Variants in PPA2 observed in about 807,000 individuals in gnomAD.
The protein encoded by PPA2 is inorganic pyrophosphatase 2.
Under a neutral mutation model 49.5 loss-of-function variants are expected in PPA2, and 48 were observed. The observed-to-expected ratio is 0.97, with a 90% confidence interval of 0.77 to 1.23. The LOEUF is 1.23. Among genes scored for constraint, PPA2 ranks in the 50% most tolerant of loss-of-function variants. The pLI, the probability that PPA2 is intolerant of heterozygous loss-of-function variation, is 0.00. For missense variants in PPA2, 429 were observed against 410.1 expected, an observed-to-expected ratio of 1.05 and a Z score of -0.40; for synonymous variants, 131 against 139.9, an observed-to-expected ratio of 0.94 and a Z score of 0.45.
chr4:105,396,080 G>T (rs922870832), intron 9 of PPA2, among the ~76,000 whole-genome samples, 169 bp downstream of exon 9: 1 of 151,816 alleles, frequency 6.6e-6, no homozygotes, highest in Non-Finnish European at 1.5e-5. Context: ...AAAAGATCAC[G>T]TCAATTCCTA....
chr4:105,424,910 C>T (rs1320546402), intron 6 of PPA2, among the ~76,000 whole-genome samples: 1 of 152,096 alleles, frequency 6.6e-6, no homozygotes, highest in Non-Finnish European at 1.5e-5. Flanking sequence ...CTTTATAAGT[C>T]AAGGCAAAGA....
At chr4:105,398,382 A>AT (rs1488063120) in intron 8 of PPA2, 2 of 152,164 alleles carry the variant, frequency 1.3e-5, no homozygotes, top group African/African-American at 4.8e-5. Flanking sequence ...CCCATTATAA[A>AT]TTTTAAGTTT....
intron 10 of PPA2, among the ~76,000 whole-genome samples, chr4:105,376,866 G>T (rs1458071875): frequency 6.6e-6 from 1 of 152,094 alleles, no homozygotes; most frequent in Non-Finnish European, 1.5e-5. Flanking sequence ...CATAAAGTTC[G>T]ATCATTTTTC....
intron 5 of PPA2, among the ~76,000 whole-genome samples, chr4:105,443,619 A>ACG: frequency 6.8e-6 from 1 of 147,084 alleles, no homozygotes; most frequent in East Asian, 2.5e-4. Flanking sequence ...ACACACACAC[A>ACG]CACACACACA....
At chr4:105,455,813 CT>C (rs1401542968) in intron 2 of PPA2, among the ~76,000 whole-genome samples, 1 of 152,176 alleles carries the variant, frequency 6.6e-6, no homozygotes, top group African/African-American at 2.4e-5. Context: ...GCCTCTGCCC[CT>C]ATATTGATCA....
chr4:105,470,155 T>C (rs1047769578), intron 1 of PPA2, among the ~76,000 whole-genome samples: 4 of 152,188 alleles, frequency 2.6e-5, no homozygotes, highest in Admixed American at 1.3e-4. Flanking sequence ...GAGAACAGTA[T>C]GAAATCTAAA....
At chr4:105,400,227 T>C (rs1734306795) in intron 7 of PPA2, among the ~76,000 whole-genome samples, 2 of 152,092 alleles carry the variant, frequency 1.3e-5, no homozygotes, top group African/African-American at 4.8e-5. Flanking sequence ...AACAGGGATG[T>C]TTTGCAAAAA....
intron 9 of PPA2, among the ~76,000 whole-genome samples, chr4:105,389,814 G>A (rs955641046): frequency 1.3e-5 from 2 of 152,108 alleles, no homozygotes; most frequent in African/African-American, 4.8e-5. Flanking sequence ...CAAGAAAAAG[G>A]CAAAGAGAAA....
intron 6 of PPA2, among the ~76,000 whole-genome samples, chr4:105,425,737 C>CAT (rs1723472594): frequency 6.6e-6 from 1 of 151,184 alleles, no homozygotes; most frequent in Non-Finnish European, 1.5e-5. Flanking sequence ...CACACACACA[C>CAT]ACACACACAC....
In PPA2 at chr4:105,446,478, G is replaced by A. The variant is rs373735128; in HGVS notation, c.346C>T (p.Pro116Ser). The change falls in exon 5 of 12, where the codon CCC becomes TCC. Residue 116 changes from proline (P) to serine (S), a missense_variant. By Grantham distance (74) the Pro-to-Ser change is moderately conservative. Coordinates refer to ENST00000341695, the MANE Select transcript of PPA2 (RefSeq NM_176869.3). ...CCATCCTTTACATATTGTTTAATGG[G>A]ATTCATTGGCTCCTTGGTGGCAATC... The part of the protein sequence containing the change: ...MEIATKEPMN[P>S]IKQYVKDGKL... 67 of 1,603,284 alleles carry A rather than the reference G, an allele frequency of 4.2e-5. No homozygotes were observed. The highest frequency in any genetic ancestry group is 4.8e-5 in the Non-Finnish European group (57 of 1,176,418).
At chr4:105,410,520 C>A (rs1392054599) in intron 7 of PPA2, among the ~76,000 whole-genome samples, 1 of 152,180 alleles carries the variant, frequency 6.6e-6, no homozygotes, top group Non-Finnish European at 1.5e-5. Context: ...ACTTCCCCAA[C>A]CTAGCAAGGC....
At position 105,411,625 on chromosome 4, in the gene PPA2, G is replaced by A. The variant is rs539287925; in HGVS notation, c.656-12461C>T. Among the ~76,000 whole-genome samples, 123 of 152,194 alleles carry A rather than the reference G, an allele frequency of 8.1e-4. 1 individual carries two copies. The highest frequency in any genetic ancestry group is 1.7e-3 in the Non-Finnish European group (117 of 67,990). On this transcript the variant is annotated intron_variant, in intron 7 of 11. Transcript: ENST00000341695. ...GAACAGAATGAAATAAAGGGTATTCGATAAGGAAAAGAGGAAGTCAAATTG... is the reference window on the plus strand; with the variant it reads ...GAACAGAATGAAATAAAGGGTATTCAATAAGGAAAAGAGGAAGTCAAATTG...
chr4:105,422,776 T>C (rs1055843674), intron 7 of PPA2, among the ~76,000 whole-genome samples: 1 of 152,236 alleles, frequency 6.6e-6, no homozygotes, highest in African/African-American at 2.4e-5. Flanking sequence ...GCGCTTGTTA[T>C]ATGCTAGAGA....
chr4:105,382,236 G>A (rs1404534352), intron 10 of PPA2, among the ~76,000 whole-genome samples: 1 of 151,628 alleles, frequency 6.6e-6, no homozygotes, highest in African/African-American at 2.4e-5. Context: ...TGATTATATT[G>A]TAGACAGAGA....
At chr4:105,426,349 C>T (rs1723508225) in intron 6 of PPA2, among the ~76,000 whole-genome samples, 1 of 152,118 alleles carries the variant, frequency 6.6e-6, no homozygotes, top group Non-Finnish European at 1.5e-5. Flanking sequence ...TGGGTGCAGC[C>T]CTCGGAGAGC....
intron 7 of PPA2, among the ~76,000 whole-genome samples, chr4:105,417,212 C>T (rs1056254413): frequency 1.3e-5 from 2 of 152,174 alleles, no homozygotes; most frequent in Non-Finnish European, 2.9e-5. Flanking sequence ...TACCCTAAAG[C>T]ACTTAAAAAC....
At chr4:105,382,411 C>T (rs1427917813) in intron 10 of PPA2, among the ~76,000 whole-genome samples, 3 of 152,112 alleles carry the variant, frequency 2.0e-5, no homozygotes, top group Admixed American at 1.3e-4. Context: ...TCAACATTCT[C>T]AAAATAATAT....
Position 105,450,534 on chromosome 4 carries a change from G to A in PPA2, c.268-1131C>T, listed in dbSNP as rs141272916. Among the ~76,000 whole-genome samples the A allele has an allele frequency of 5.2e-3, 738 of 142,314 alleles. 10 individuals carry two copies. Among genetic ancestry groups the A allele is most frequent in the African/African-American group, 0.018 (695 of 38,438 alleles). 93.4% of individuals were successfully genotyped at this position (142,314 alleles called of 152,430 possible). ...TGGGATTACAGGTGCCCGCCAGCAC[G>A]CCTGCTAATTTTTGTATTCTTAGTA... On this transcript the variant is annotated intron_variant, in intron 3 of 11. Coordinates refer to ENST00000341695, the MANE Select transcript of PPA2 (RefSeq NM_176869.3).
At chr4:105,370,376 G>C (rs1039133998) in intron 11 of PPA2, among the ~76,000 whole-genome samples, 3 of 151,840 alleles carry the variant, frequency 2.0e-5, no homozygotes, top group Non-Finnish European at 4.4e-5. Context: ...ATTCACTACA[G>C]AGCATTTTTA....
Sources: gnomAD v4.1 joint callset for allele counts (sites outside exome capture counted in the v4.1 genomes callset) on GRCh38, gnomAD v4.1.1 for gene constraint, MANE v1.5 for transcripts, NCBI Gene and HGNC (gene_info 2026-07-23, HGNC 2026-07-21) for gene names.